PDZD2: variants seen among roughly 807,000 people sequenced by gnomAD.
The protein encoded by PDZD2 is PDZ domain-containing protein 2.
Under a neutral mutation model 220.7 loss-of-function variants are expected in PDZD2, and 90 were observed. The ratio of observed to expected loss-of-function variants is 0.41; its 90% CI spans 0.34 to 0.49. The LOEUF (loss-of-function observed/expected upper bound fraction) is 0.49, where lower values mean the gene tolerates loss of function less well. Among genes scored for constraint, PDZD2 ranks in the 20% least tolerant of loss-of-function variants. The pLI, the probability that PDZD2 is intolerant of heterozygous loss-of-function variation, is 0.28. For synonymous variants in PDZD2, 1,375 were observed against 1,450.5 expected (o/e 0.95, Z 1.18); for missense variants, 3,174 against 3,608.5 (o/e 0.88, Z 3.08).
chr5:32,018,112 G>A (rs544604190), intron 6 of PDZD2, among the ~76,000 whole-genome samples: 10 of 152,314 alleles, frequency 6.6e-5, no homozygotes, highest in South Asian at 6.2e-4. Flanking sequence ...TTCACAGACT[G>A]TACCGAAATG....
intron 2 of PDZD2, among the ~76,000 whole-genome samples, chr5:31,850,037 C>T (rs369601067): frequency 3.3e-4 from 18 of 54,086 alleles, no homozygotes; most frequent in East Asian, 5.0e-4. Flanking sequence ...CATATATACA[C>T]GTATATATAT....
intron 2 of PDZD2, among the ~76,000 whole-genome samples, chr5:31,872,142 G>GGTGTGTGTGTGTGTGTGTGTGTGTGT (rs55806241): frequency 1.4e-5 from 2 of 147,676 alleles, no homozygotes; most frequent in African/African-American, 5.0e-5. Context: ...TAAGGTGAGT[G>GGTGTGTGTGTGTGTGTGTGTGTGTGT]GTGTGTGTGT....
chr5:31,790,300 G>A (rs973025205), intron 1 of PDZD2, among the ~76,000 whole-genome samples: 7 of 152,098 alleles, frequency 4.6e-5, no homozygotes, highest in Non-Finnish European at 8.8e-5. Context: ...GTTTCACCAC[G>A]TTGGCCAGGA....
intron 2 of PDZD2, among the ~76,000 whole-genome samples, chr5:31,856,828 A>G (rs1758486917): frequency 6.6e-6 from 1 of 151,960 alleles, no homozygotes; most frequent in South Asian, 2.1e-4. Context: ...TCTGCCCTCC[A>G]GAGGGTGGGT....
chr5:32,046,827 G>A (rs1310968722), intron 7 of PDZD2, among the ~76,000 whole-genome samples: 1 of 152,156 alleles, frequency 6.6e-6, no homozygotes, highest in African/African-American at 2.4e-5. Flanking sequence ...TAGACCACCT[G>A]AAGTTAGGAG....
intron 13 of PDZD2, among the ~76,000 whole-genome samples, chr5:32,059,835 A>AC (rs1739506732): frequency 6.6e-6 from 1 of 152,150 alleles, no homozygotes; most frequent in African/African-American, 2.4e-5. Flanking sequence ...TTCCTTGTTG[A>AC]ATGGCCATGT....
At chr5:31,755,243 G>A (rs562880313) in intron 1 of PDZD2, among the ~76,000 whole-genome samples, 24 of 152,106 alleles carry the variant, frequency 1.6e-4, no homozygotes, top group African/African-American at 4.8e-4. Context: ...CCTTTGCTTC[G>A]ACCCCTGTTT....
chr5:31,941,772 T>G (rs1746234611), intron 2 of PDZD2, among the ~76,000 whole-genome samples: 1 of 152,198 alleles, frequency 6.6e-6, no homozygotes, highest in Admixed American at 6.5e-5. Context: ...TGTAACGAGT[T>G]TGTTAGGGTA....
At chr5:31,969,531 A>AAAAAAAAAAAAAAAAAAAAC (rs1749095050) in intron 2 of PDZD2, among the ~76,000 whole-genome samples, 5 of 145,540 alleles carry the variant, frequency 3.4e-5, no homozygotes, top group East Asian at 2.0e-4. Flanking sequence ...AAAAAAAAAA[A>AAAAAAAAAAAAAAAAAAAAC]AAAACAATGG....
Position 31,684,475 on chromosome 5 carries a change from C to G in PDZD2, c.-361+45038C>G, listed in dbSNP as rs533681600. Among the ~76,000 whole-genome samples the G allele has an allele frequency of 9.2e-5, 14 of 152,302 alleles. No individual in the cohort carries two copies. The East Asian group carries it at 2.5e-3, about 27-fold the overall frequency. Reference sequence around the variant, plus strand: ...TCTACCTCTTTTATCCCAACATCACCTCTTGGGTAGACCATTGCAAACTGG... The same window carrying G: ...TCTACCTCTTTTATCCCAACATCACGTCTTGGGTAGACCATTGCAAACTGG... On this transcript the variant is annotated intron_variant, in intron 1 of 24. Transcript: ENST00000438447.
At chr5:31,914,302 C>T (rs188414672) in intron 2 of PDZD2, among the ~76,000 whole-genome samples, 182 of 152,230 alleles carry the variant, frequency 1.2e-3, no homozygotes, top group African/African-American at 4.1e-3. Flanking sequence ...GGGGCTGAGG[C>T]GGGTGGATCA....
chr5:31,881,326 ATGTGTGTGTGTGTGTGTGTGTG>A lies in PDZD2; in HGVS notation c.476+81624_476+81645del, dbSNP rs67969355. 4.1e-5 allele frequency among the ~76,000 whole-genome samples: 5 copies of A among 123,226 alleles called. No individual in the cohort carries two copies. In the South Asian group the frequency reaches 8.4e-4, roughly 21 times the overall value. 80.8% of individuals were successfully genotyped at this position (123,226 alleles called of 152,430 possible). ...CTTGTCTCATCCCATTTCCATATAT[ATGTGTGTGTGTGTGTGTGTGTG>A]TGTGTGTGTGTGTGTGTGTGTATAT... On this transcript the variant is annotated intron_variant, in intron 2 of 24. Transcript: ENST00000438447.
intron 2 of PDZD2, among the ~76,000 whole-genome samples, chr5:31,930,771 T>TA (rs1745209970): frequency 6.6e-6 from 1 of 151,848 alleles, no homozygotes; most frequent in Non-Finnish European, 1.5e-5. Context: ...TGGCATGCCC[T>TA]AAAAAACCCA....
intron 2 of PDZD2, among the ~76,000 whole-genome samples, chr5:31,915,498 G>A (rs1743604482): frequency 1.3e-5 from 2 of 152,142 alleles, no homozygotes; most frequent in South Asian, 4.1e-4. Flanking sequence ...CCTAGAAGCA[G>A]GCAAACTCTC....
chr5:32,085,261 T>G (rs1312183735), intron 19 of PDZD2, among the ~76,000 whole-genome samples: 1 of 149,454 alleles, frequency 6.7e-6, no homozygotes, highest in Non-Finnish European at 1.5e-5. Context: ...TGCCTTTTTT[T>G]TTTTTTAATT....
chr5:31,999,952 T>C (rs902859540), intron 4 of PDZD2, among the ~76,000 whole-genome samples, 187 bp from the exon 5 acceptor site: 1 of 152,130 alleles, frequency 6.6e-6, no homozygotes, highest in African/African-American at 2.4e-5. Context: ...ATGGAGGGAA[T>C]CCTCTGATGG....
At chr5:32,064,897 G>T (rs1015914730) in intron 14 of PDZD2, among the ~76,000 whole-genome samples, 1 of 152,182 alleles carries the variant, frequency 6.6e-6, no homozygotes, top group South Asian at 2.1e-4. Context: ...GAACCCAGGA[G>T]ATGGAGGTTG....
At chr5:31,651,660 C>T (rs1745354582) in intron 1 of PDZD2, among the ~76,000 whole-genome samples, 1 of 151,560 alleles carries the variant, frequency 6.6e-6, no homozygotes. Flanking sequence ...GAGATAAGAT[C>T]TCCCTCTGTT....
intron 1 of PDZD2, among the ~76,000 whole-genome samples, chr5:31,648,412 A>C (rs1423071138): frequency 6.6e-6 from 1 of 152,056 alleles, no homozygotes; most frequent in Non-Finnish European, 1.5e-5. Flanking sequence ...CATCCACCCA[A>C]AGGCTCATTC....
Sources: allele counts gnomAD v4.1 joint callset (sites outside exome capture counted in the v4.1 genomes callset), GRCh38; gene constraint gnomAD v4.1.1; transcripts MANE v1.5; gene names NCBI Gene and HGNC (gene_info 2026-07-23, HGNC 2026-07-21).